DPP6: variants seen among roughly 807,000 people sequenced by gnomAD.
DPP6 encodes the protein A-type potassium channel modulatory protein DPP6.
A neutral mutation model predicts 122.6 loss-of-function variants in DPP6; 69 were observed. The observed-to-expected ratio is 0.56, with a 90% CI of 0.46 to 0.69. The LOEUF (loss-of-function observed/expected upper bound fraction) is 0.69. DPP6 is among the 30% of genes least tolerant of loss of function. The pLI is 0.00. For synonymous variants in DPP6, 418 were observed against 433.1 expected, an observed-to-expected ratio of 0.97 and a Z score of 0.43; for missense variants, 928 against 1,116.9, an observed-to-expected ratio of 0.83 and a Z score of 2.41.
chr7:154,782,809 A>T (rs1354577439), intron 10 of DPP6, among the ~76,000 whole-genome samples: 3 of 151,820 alleles, frequency 2.0e-5, no homozygotes, highest in Non-Finnish European at 4.4e-5. Context: ...TTTGAGACAG[A>T]GCCTCGCTCT....
chr7:154,155,837 G>T (rs1796650488), intron 1 of DPP6, among the ~76,000 whole-genome samples: 1 of 152,180 alleles, frequency 6.6e-6, no homozygotes, highest in East Asian at 1.9e-4. Flanking sequence ...CAGCCTCTGA[G>T]CCCAGGGGAC....
At chr7:154,181,609 T>C (rs902645458) in intron 1 of DPP6, among the ~76,000 whole-genome samples, 3 of 152,222 alleles carry the variant, frequency 2.0e-5, no homozygotes, top group African/African-American at 4.8e-5. Context: ...CATTTTTATA[T>C]GTTTAATATG....
chr7:154,318,595 T>C (rs1275943131), intron 1 of DPP6, among the ~76,000 whole-genome samples: 2 of 152,190 alleles, frequency 1.3e-5, no homozygotes. Context: ...GTTGAGCAAG[T>C]TAAAGATGTC....
chr7:154,019,144 G>A lies in DPP6; in HGVS notation c.51+131410G>A, dbSNP rs542488219. Among the ~76,000 whole-genome samples, 8 of 152,246 alleles carry A rather than the reference G, an allele frequency of 5.3e-5. No homozygotes were observed. The East Asian group carries it at 1.5e-3, about 29-fold the overall frequency. ...ACTGTCACCATTTTTAACAAGCCTAGTCTATTCTGGCTACAAACCTTAGAT... is the reference window on the plus strand; with the variant it reads ...ACTGTCACCATTTTTAACAAGCCTAATCTATTCTGGCTACAAACCTTAGAT... On this transcript the variant is annotated intron_variant, in intron 1 of 25. Coordinates refer to the DPP6 transcript ENST00000404039.
chr7:154,265,927 T>C (rs931689326), intron 1 of DPP6, among the ~76,000 whole-genome samples: 19 of 152,180 alleles, frequency 1.2e-4, no homozygotes, highest in Middle Eastern at 3.2e-3. Flanking sequence ...TATCTAAAAA[T>C]GCAACATGTA....
At chr7:154,598,777 G>A (rs535177524) in intron 5 of DPP6, among the ~76,000 whole-genome samples, 1 of 152,336 alleles carries the variant, frequency 6.6e-6, no homozygotes, top group Admixed American at 6.5e-5. Flanking sequence ...AAGTGTGCAA[G>A]GAGGCTCAGA....
intron 1 of DPP6, among the ~76,000 whole-genome samples, chr7:154,287,834 C>T (rs970414323): frequency 3.3e-5 from 5 of 152,148 alleles, no homozygotes; most frequent in Admixed American, 1.3e-4. Flanking sequence ...GAAGGTTGTC[C>T]TGAGATGTTC....
intron 1 of DPP6, among the ~76,000 whole-genome samples, chr7:154,286,655 G>T (rs1457838403): frequency 1.3e-5 from 2 of 152,104 alleles, no homozygotes; most frequent in African/African-American, 4.8e-5. Flanking sequence ...CAGGGCCATG[G>T]AGCTTCACTG....
At chr7:154,096,755 T>C (rs1224539509) in intron 1 of DPP6, among the ~76,000 whole-genome samples, 1 of 152,214 alleles carries the variant, frequency 6.6e-6, no homozygotes, top group Non-Finnish European at 1.5e-5. Context: ...ATAATGACTA[T>C]ACTAGATTTG....
At chr7:154,532,718 G>T (rs1004769759) in intron 3 of DPP6, among the ~76,000 whole-genome samples, 2 of 151,914 alleles carry the variant, frequency 1.3e-5, no homozygotes, top group Middle Eastern at 3.4e-3. Flanking sequence ...TTAATTAATA[G>T]AAAATGCATG....
intron 1 of DPP6, among the ~76,000 whole-genome samples, chr7:154,132,518 T>C (rs1193776750): frequency 6.6e-6 from 1 of 152,136 alleles, no homozygotes; most frequent in Admixed American, 6.5e-5. Flanking sequence ...CCTCCCACTA[T>C]ATTTTTTATC....
chr7:153,836,126 T>C, the DPP6 span, among the ~76,000 whole-genome samples: 1 of 152,226 alleles, frequency 6.6e-6, no homozygotes, highest in Non-Finnish European at 1.5e-5. Flanking sequence ...TGTTGTAACA[T>C]GAACATTTAT....
At chr7:154,026,195 G>A (rs910738060) in intron 1 of DPP6, 1 of 152,188 alleles carries the variant, frequency 6.6e-6, no homozygotes, top group African/African-American at 2.4e-5. Context: ...GCCAAGCCAT[G>A]GGTGAGCGTC....
rs570830746 is a variant in DPP6 at position 153,926,203 on chromosome 7, A to G, written c.51+38469A>G. Among the ~76,000 whole-genome samples, 3 of 152,362 alleles carry G rather than the reference A, an allele frequency of 2.0e-5. No individual in the cohort carries two copies. The South Asian group carries it at 6.2e-4, about 32-fold the overall frequency. ...TCTCATCTGTTACCTGTCACCGATC[A>G]TGTACACCTTTCTATCTTTGAGTCT... On this transcript the variant is annotated intron_variant, in intron 1 of 25. Transcript: ENST00000404039.
intron 1 of DPP6, among the ~76,000 whole-genome samples, chr7:154,419,182 C>T (rs950183634): frequency 2.6e-5 from 4 of 152,188 alleles, no homozygotes; most frequent in African/African-American, 9.7e-5. Flanking sequence ...GAGACTGTGG[C>T]TCATTCCTCT....
At chr7:153,944,286 C>T (rs942722067) in intron 1 of DPP6, among the ~76,000 whole-genome samples, 1 of 152,156 alleles carries the variant, frequency 6.6e-6, no homozygotes, top group Non-Finnish European at 1.5e-5. Context: ...TTCACCGCCA[C>T]TAGAGTGAGT....
intron 1 of DPP6, among the ~76,000 whole-genome samples, chr7:154,351,787 G>T (rs1393636426): frequency 6.6e-6 from 1 of 152,208 alleles, no homozygotes; most frequent in Non-Finnish European, 1.5e-5. Flanking sequence ...GGACTCCAGA[G>T]CCTGCATGGG....
intron 1 of DPP6, among the ~76,000 whole-genome samples, chr7:154,428,100 G>A (rs1818060273): frequency 6.6e-6 from 1 of 152,142 alleles, no homozygotes; most frequent in African/African-American, 2.4e-5. Flanking sequence ...AGAAAACAGT[G>A]ATCTGCCAGA....
intron 1 of DPP6, among the ~76,000 whole-genome samples, chr7:154,313,728 C>CA (rs1807166447): frequency 3.2e-5 from 1 of 31,698 alleles, no homozygotes; most frequent in Non-Finnish European, 6.3e-5. Context: ...CACACACGCA[C>CA]GCACACACAC....
Sources: gnomAD v4.1 joint callset for allele counts (sites outside exome capture counted in the v4.1 genomes callset) on GRCh38, gnomAD v4.1.1 for gene constraint, MANE v1.5 for transcripts, NCBI Gene and HGNC (gene_info 2026-07-23, HGNC 2026-07-21) for gene names.